The following PCDHA4 variants were observed in gnomAD, a reference collection of about 807,000 sequenced individuals.
PCDHA4 encodes the protein protocadherin alpha 4.
PCDHA4 carries 49 observed loss-of-function variants against 61.4 expected under a neutral mutation model. The observed-to-expected ratio is 0.80, with a 90% confidence interval of 0.63 to 1.01. PCDHA4 has a LOEUF of 1.01. PCDHA4 is among the 50% of genes least tolerant of loss of function. The probability of loss-of-function intolerance (pLI) is 0.00; values close to 1 mark genes in which losing one functional copy is unlikely to be tolerated. For missense variants in PCDHA4, 1,254 were observed against 1,235.8 expected (o/e 1.01, Z -0.22); for synonymous variants, 590 against 550.3 (o/e 1.07, Z -1.01).
Position 140,877,413 on chromosome 5 carries a change from G to T in PCDHA4, c.2385+67841G>T, listed in dbSNP as rs540811233. 2.4e-5 allele frequency: 39 copies of T among 1,613,922 alleles called. No homozygotes were observed. The East Asian group carries it at 2.5e-4, about 10-fold the overall frequency. On this transcript the variant is annotated intron_variant, in intron 1 of 3. Transcript: ENST00000530339. Reference sequence around the variant, plus strand: ...AGGCGGACGCTCCGCGCCACCGCCTGCTGGTGCTGGTGAAGGACCACGGTG... The same window carrying T: ...AGGCGGACGCTCCGCGCCACCGCCTTCTGGTGCTGGTGAAGGACCACGGTG...
chr5:140,858,733 C>A (rs984187341), intron 1 of PCDHA4: 4 of 475,092 alleles, frequency 8.4e-6, no homozygotes, highest in African/African-American at 8.1e-5. Context: ...TGACGATTTA[C>A]TTTCATAATC....
chr5:140,871,419 C>T, intron 1 of PCDHA4: 1 of 1,613,732 alleles, frequency 6.2e-7, no homozygotes, highest in South Asian at 1.1e-5. Flanking sequence ...TGGCCTTCAG[C>T]CCCAGTCTTC....
chr5:140,837,386 T>C (rs1207161935), intron 1 of PCDHA4, among the ~76,000 whole-genome samples: 1 of 152,036 alleles, frequency 6.6e-6, no homozygotes, highest in Non-Finnish European at 1.5e-5. Context: ...ATTTTGTTCC[T>C]TGTTTGTATA....
chr5:140,929,082 G>A, intron 1 of PCDHA4: 2 of 1,614,216 alleles, frequency 1.2e-6, no homozygotes, highest in South Asian at 1.1e-5. Flanking sequence ...ATGGAAGTAA[G>A]ATGGTTTCAA....
intron 1 of PCDHA4, chr5:140,829,680 T>G: frequency 6.2e-7 from 1 of 1,613,216 alleles, no homozygotes; most frequent in Non-Finnish European, 8.5e-7. Flanking sequence ...GAGCTAGAGC[T>G]GCTGCAGTTT....
chr5:141,005,697 G>A (rs1197870932), intron 3 of PCDHA4, among the ~76,000 whole-genome samples: 75 of 78,728 alleles, frequency 9.5e-4, no homozygotes, highest in Admixed American at 6.2e-4. Context: ...GCGAAACTCC[G>A]TCTCAAAAAA....
chr5:140,922,527 C>T (rs1436336713), intron 1 of PCDHA4, among the ~76,000 whole-genome samples: 2 of 152,130 alleles, frequency 1.3e-5, no homozygotes, highest in East Asian at 3.9e-4. Flanking sequence ...AAGATTGAAC[C>T]TAAGGATGTG....
chr5:140,871,832 C>G (rs2053333400), intron 1 of PCDHA4, among the ~76,000 whole-genome samples: 2 of 152,246 alleles, frequency 1.3e-5, no homozygotes, highest in Non-Finnish European at 2.9e-5. Context: ...CCCTTCATCT[C>G]TAAACTTCAA....
At chr5:140,821,842 T>C (rs2150111141) in intron 1 of PCDHA4, 2 of 1,614,060 alleles carry the variant, frequency 1.2e-6, no homozygotes, top group African/African-American at 1.3e-5. Context: ...CCTTGCCTAC[T>C]GGAAGGCAGG....
At chr5:140,962,716 G>A (rs1268660102) in intron 1 of PCDHA4, among the ~76,000 whole-genome samples, 2 of 152,304 alleles carry the variant, frequency 1.3e-5, no homozygotes, top group East Asian at 3.9e-4. Context: ...ATATTGGAAA[G>A]TATTTTCCTT....
At position 140,870,817 on chromosome 5, in the gene PCDHA4, G is replaced by C. The variant is rs782095168; in HGVS notation, c.2385+61245G>C. On this transcript the variant is annotated intron_variant, in intron 1 of 3. Coordinates refer to ENST00000530339, the MANE Select transcript of PCDHA4 (RefSeq NM_018907.4). ...ACTGCTGGCGACTCAGGCTGGCAGCGCGGGAGGCGCAGTTAACAAGCTAGT... is the reference window on the plus strand; with the variant it reads ...ACTGCTGGCGACTCAGGCTGGCAGCCCGGGAGGCGCAGTTAACAAGCTAGT... The C allele has an allele frequency of 9.9e-6, 16 of 1,613,726 alleles. No individual in the cohort carries two copies. In the South Asian group the frequency reaches 1.3e-4, roughly 13 times the overall value.
intron 3 of PCDHA4, among the ~76,000 whole-genome samples, chr5:140,991,228 TGCAGTGGTAAAG>T (rs1452293099): frequency 1.1e-4 from 16 of 152,220 alleles, no homozygotes; most frequent in Non-Finnish European, 2.4e-4. Flanking sequence ...CATTAATAAA[TGCAGTGGTAAAG>T]GCAGTATTTG....
At chr5:140,942,541 G>T (rs1241528363) in intron 1 of PCDHA4, among the ~76,000 whole-genome samples, 1 of 152,056 alleles carries the variant, frequency 6.6e-6, no homozygotes, top group Non-Finnish European at 1.5e-5. Context: ...CAGTATGGTG[G>T]GGGGTAGGGG....
intron 1 of PCDHA4, among the ~76,000 whole-genome samples, chr5:140,839,882 T>G (rs2150166870): frequency 6.6e-6 from 1 of 152,128 alleles, no homozygotes; most frequent in South Asian, 2.1e-4. Context: ...ATGAATAGAA[T>G]TTTGACAGAA....
intron 1 of PCDHA4, chr5:140,966,548 A>G (rs2096020413): frequency 2.1e-6 from 1 of 465,426 alleles, no homozygotes; most frequent in Admixed American, 4.3e-5. Flanking sequence ...CTCGGAGGCG[A>G]GCGGAGGAGC....
At chr5:140,999,877 G>C (rs1194481133) in intron 3 of PCDHA4, among the ~76,000 whole-genome samples, 1 of 152,152 alleles carries the variant, frequency 6.6e-6, no homozygotes, top group Non-Finnish European at 1.5e-5. Flanking sequence ...CTGAAAATTA[G>C]CCCAGCTGTA....
chr5:140,993,363 C>T (rs925225156), intron 3 of PCDHA4, among the ~76,000 whole-genome samples: 1 of 151,918 alleles, frequency 6.6e-6, no homozygotes, highest in Non-Finnish European at 1.5e-5. Context: ...CTCACAAAAA[C>T]TACCTCCCAG....
chr5:140,951,779 CA>C (rs1402940575), intron 1 of PCDHA4, among the ~76,000 whole-genome samples: 1 of 152,142 alleles, frequency 6.6e-6, no homozygotes, highest in East Asian at 1.9e-4. Flanking sequence ...TCTTACATTG[CA>C]AAATACAATT....
At chr5:140,871,530 T>C (rs188075654) in intron 1 of PCDHA4, 2 of 1,514,446 alleles carry the variant, frequency 1.3e-6, no homozygotes, top group Admixed American at 4.8e-5. Flanking sequence ...TCAGGAAGTG[T>C]ATGTGAAATT....
Sources: allele counts gnomAD v4.1 joint callset (sites outside exome capture counted in the v4.1 genomes callset), GRCh38; gene constraint gnomAD v4.1.1; transcripts MANE v1.5; gene names NCBI Gene and HGNC (gene_info 2026-07-23, HGNC 2026-07-21).